Variants in GRK4 observed in about 807,000 individuals in gnomAD.
GRK4 encodes the protein G protein-coupled receptor kinase 2-like.
In GRK4, 73 loss-of-function variants were observed where a neutral mutation model predicts 77.9. The observed-to-expected ratio is 0.94, with a 90% CI of 0.78 to 1.14. GRK4 has a LOEUF of 1.14. GRK4 is among the 50% of genes most tolerant of loss of function. The pLI, the probability that GRK4 is intolerant of heterozygous loss-of-function variation, is 0.00. For missense variants in GRK4, 729 were observed against 700.2 expected (o/e 1.04, Z -0.46); for synonymous variants, 257 against 254.4 (o/e 1.01, Z -0.10).
intron 13 of GRK4, 116 bp downstream of exon 13, chr4:3,035,639 G>C: frequency 8.3e-7 from 1 of 1,199,348 alleles, no homozygotes; most frequent in South Asian, 1.6e-5. Context: ...GCCCAGGCTG[G>C]TCTTGCACTC....
At chr4:3,025,248 G>T (rs1737121369) in intron 10 of GRK4, among the ~76,000 whole-genome samples, 3 of 145,140 alleles carry the variant, frequency 2.1e-5, no homozygotes, top group Non-Finnish European at 4.5e-5. Flanking sequence ...TCCAGCCTAG[G>T]TGACAGAGTG....
intron 10 of GRK4, among the ~76,000 whole-genome samples, chr4:3,024,494 G>A (rs1464591662): frequency 6.6e-6 from 1 of 152,112 alleles, no homozygotes; most frequent in Non-Finnish European, 1.5e-5. Context: ...CTCCAGGGCT[G>A]TAGCGATCCG....
intron 6 of GRK4, among the ~76,000 whole-genome samples, chr4:3,009,138 TA>T (rs1732147061): frequency 6.6e-6 from 1 of 152,000 alleles, no homozygotes; most frequent in African/African-American, 2.4e-5. Flanking sequence ...TAATTAAGAT[TA>T]ATTGGCCGGG....
chr4:3,039,668 A>G (rs1362886900), intron 15 of GRK4, among the ~76,000 whole-genome samples: 1 of 146,994 alleles, frequency 6.8e-6, no homozygotes, highest in Non-Finnish European at 1.5e-5. Flanking sequence ...ATTGCGCTCC[A>G]GCCTGGGTGA....
chr4:2,987,540 T>C (rs1239005666), intron 2 of GRK4, among the ~76,000 whole-genome samples: 1 of 152,230 alleles, frequency 6.6e-6, no homozygotes, highest in Non-Finnish European at 1.5e-5. Context: ...TTGATGGACA[T>C]TGGGTTGTTC....
At chr4:2,966,141 C>G (rs190764134) in intron 1 of GRK4, 1 of 152,832 alleles carries the variant, frequency 6.5e-6, no homozygotes, top group Non-Finnish European at 1.5e-5. Flanking sequence ...TGGCCGGGCA[C>G]GGTGGCTCAC....
chr4:3,035,440 G>A lies in GRK4; in HGVS notation c.1324G>A (p.Gly442Arg). 1 of 1,613,872 alleles carries A rather than the reference G, an allele frequency of 6.2e-7. No individual in the cohort carries two copies. Residue 442 changes from glycine (G) to arginine (R), a missense_variant, in exon 13 of 16, where the codon GGG becomes AGG. Coordinates refer to ENST00000398052, the MANE Select transcript of GRK4 (RefSeq NM_182982.3). ...GGGCTGCAGGGGCGAGGGAGCGGCT[G>A]GGGTGAAGCAGCACCCCGTGTTCAA... ...RLGCRGEGAAGVKQHPVFKDI... is the reference protein window; with the variant it reads ...RLGCRGEGAARVKQHPVFKDI...
In GRK4 at chr4:3,004,342, G is replaced by C. The variant is rs189534261; in HGVS notation, c.443+8G>C. The C allele has an allele frequency of 1.3e-4, 200 of 1,542,716 alleles. No individual in the cohort carries two copies. In the East Asian group the frequency reaches 3.4e-3, roughly 26 times the overall value. ...CTTTGAGGAATGTACTAGGTAAGTG[G>C]TTCATGCTGAGCCCTGCATATATTA... is the stretch of plus-strand genomic sequence containing the variant. On this transcript the variant is annotated splice_region_variant and intron_variant, in intron 5 of 15. Transcript: ENST00000398052.
intron 1 of GRK4, among the ~76,000 whole-genome samples, 153 bp downstream of exon 1, chr4:2,964,275 G>A (rs1716730296): frequency 1.3e-5 from 2 of 151,992 alleles, no homozygotes; most frequent in Admixed American, 1.3e-4. Flanking sequence ...AGATCTGCAC[G>A]GAGCCGGAGC....
chr4:2,979,798 G>A (rs1228877048), intron 1 of GRK4, among the ~76,000 whole-genome samples: 3 of 152,150 alleles, frequency 2.0e-5, no homozygotes, highest in African/African-American at 7.2e-5. Context: ...TGGATCTCTT[G>A]AGTCCAGGAA....
chr4:2,981,423 A>C (rs189202072), intron 1 of GRK4, among the ~76,000 whole-genome samples: 47 of 152,340 alleles, frequency 3.1e-4, no homozygotes, highest in Non-Finnish European at 2.9e-5. Flanking sequence ...CAAAATGGGT[A>C]GCTCCTTTCT....
At chr4:3,002,558 G>T (rs1730123605) in intron 4 of GRK4, among the ~76,000 whole-genome samples, 1 of 152,198 alleles carries the variant, frequency 6.6e-6, no homozygotes, top group Non-Finnish European at 1.5e-5. Flanking sequence ...TTCGAAATTA[G>T]CCAGGCGTGG....
intron 4 of GRK4, among the ~76,000 whole-genome samples, chr4:2,997,479 C>T (rs763904842): frequency 4.6e-5 from 7 of 152,180 alleles, no homozygotes; most frequent in East Asian, 1.9e-4. Context: ...AACAATTAAA[C>T]GTCAACATGA....
chr4:2,966,655 G>A (rs1329525191), intron 1 of GRK4: 1 of 152,168 alleles, frequency 6.6e-6, no homozygotes, highest in Non-Finnish European at 1.5e-5. Flanking sequence ...GACTGTGTTT[G>A]TTACTTTAAA....
chr4:2,995,426 T>C (rs1164216502), intron 4 of GRK4, among the ~76,000 whole-genome samples: 1 of 151,026 alleles, frequency 6.6e-6, no homozygotes, highest in Non-Finnish European at 1.5e-5. Context: ...CCCGGCACTT[T>C]GGGAGGCCGA....
chr4:3,038,253 A>T, intron 14 of GRK4, 123 bp from the exon 15 acceptor site: 1 of 1,225,918 alleles, frequency 8.2e-7, no homozygotes, highest in African/African-American at 1.5e-5. Context: ...GGGGCCCCAC[A>T]GTGGGTGCAG....
At chr4:3,032,654 T>C (rs1028661476) in intron 12 of GRK4, among the ~76,000 whole-genome samples, 1 of 152,168 alleles carries the variant, frequency 6.6e-6, no homozygotes, top group Non-Finnish European at 1.5e-5. Flanking sequence ...GAGTCTCAGC[T>C]CCCATTACAG....
At chr4:2,965,125 T>C in intron 1 of GRK4, 1 of 608,558 alleles carries the variant, frequency 1.6e-6, no homozygotes, top group East Asian at 2.7e-5. Flanking sequence ...GTAAGTTTGC[T>C]TATAAAAATC....
intron 3 of GRK4, among the ~76,000 whole-genome samples, chr4:2,991,350 T>G (rs1726107798): frequency 6.6e-6 from 1 of 152,246 alleles, no homozygotes; most frequent in Non-Finnish European, 1.5e-5. Context: ...TTTAATCGTA[T>G]GTACAAGTAC....
Sources: gnomAD v4.1 joint callset for allele counts (sites outside exome capture counted in the v4.1 genomes callset) on GRCh38, gnomAD v4.1.1 for gene constraint, MANE v1.5 for transcripts, NCBI Gene and HGNC (gene_info 2026-07-23, HGNC 2026-07-21) for gene names.